MARCHF3: variants seen among roughly 807,000 people sequenced by gnomAD.
MARCHF3 encodes the protein membrane associated ring-CH-type finger 3.
A neutral mutation model predicts 24.2 loss-of-function variants in MARCHF3; 13 were observed. That is an observed-to-expected ratio of 0.54 (90% CI 0.35 to 0.85). MARCHF3 has a LOEUF of 0.85. MARCHF3 is among the 40% of genes least tolerant of loss of function. The pLI is 0.01. For synonymous variants in MARCHF3, 144 were observed against 137.3 expected (o/e 1.05, Z -0.34); for missense variants, 276 against 325.0 (o/e 0.85, Z 1.16).
chr5:126,870,196 T>C lies in MARCHF3; in HGVS notation c.*437A>G, dbSNP rs1580581345. On this transcript the variant is annotated 3_prime_UTR_variant, in exon 5 of 5. Coordinates refer to ENST00000308660, the MANE Select transcript of MARCHF3 (RefSeq NM_178450.5). Reference sequence around the variant, plus strand: ...AAACTGAGAAACAAACTAACTCAAATAAGACCCAACCAAACCAAGAAACCA... The same window carrying C: ...AAACTGAGAAACAAACTAACTCAAACAAGACCCAACCAAACCAAGAAACCA... The C allele has an allele frequency of 6.5e-6, 1 of 152,908 alleles. No homozygotes were observed. Among genetic ancestry groups the C allele is most frequent in the Admixed American group, 6.5e-5 (1 of 15,334 alleles). The allele number at this position is 152,908 out of a possible 1,614,324, so 9.5% of individuals were successfully genotyped here. A position where few individuals can be genotyped will look rare whatever the true frequency, so the allele number is the denominator to read the frequency against.
chr5:126,889,935 A>G (rs1241146748), intron 3 of MARCHF3, among the ~76,000 whole-genome samples: 1 of 152,228 alleles, frequency 6.6e-6, no homozygotes, highest in Non-Finnish European at 1.5e-5. Context: ...TAAGCTGTTC[A>G]TGATTTTCAA....
intron 1 of MARCHF3, among the ~76,000 whole-genome samples, chr5:126,951,391 C>G (rs1750226498): frequency 2.0e-5 from 3 of 152,144 alleles, no homozygotes; most frequent in African/African-American, 7.2e-5. Flanking sequence ...TATCTCCATC[C>G]CAGACTTCTC....
At chr5:127,009,352 A>G (rs1265636822) in intron 1 of MARCHF3, among the ~76,000 whole-genome samples, 1 of 152,228 alleles carries the variant, frequency 6.6e-6, no homozygotes, top group Non-Finnish European at 1.5e-5. Flanking sequence ...AACAAGAAAA[A>G]ATATCCAATC....
chr5:126,884,880 G>A (rs749672215), intron 3 of MARCHF3, among the ~76,000 whole-genome samples: 7 of 152,082 alleles, frequency 4.6e-5, no homozygotes, highest in Non-Finnish European at 8.8e-5. Flanking sequence ...AATCAAATTG[G>A]GTTGCTTCTT....
intron 1 of MARCHF3, among the ~76,000 whole-genome samples, chr5:127,000,198 TCAACCTCCCTCTCCCTGTAG>T (rs1752082243): frequency 6.6e-6 from 1 of 152,042 alleles, no homozygotes; most frequent in Non-Finnish European, 1.5e-5. Flanking sequence ...TCCCTGCTAA[TCAACCTCCCTCTCCCTGTAG>T]CCTCAATAAA....
chr5:126,961,345 C>T (rs73786239), intron 1 of MARCHF3, among the ~76,000 whole-genome samples: 14,242 of 152,048 alleles, frequency 0.094, 1,491 homozygotes, highest in African/African-American at 0.26. Flanking sequence ...AATAAAATTT[C>T]AGAGAATCGT....
intron 3 of MARCHF3, among the ~76,000 whole-genome samples, chr5:126,906,638 G>T (rs1754308584): frequency 6.6e-6 from 1 of 152,140 alleles, no homozygotes; most frequent in Non-Finnish European, 1.5e-5. Flanking sequence ...ATGGTAGTTT[G>T]TATTTCTGTG....
intron 1 of MARCHF3, among the ~76,000 whole-genome samples, chr5:126,939,435 A>G (rs1749754054): frequency 6.6e-6 from 1 of 152,138 alleles, no homozygotes; most frequent in Non-Finnish European, 1.5e-5. Flanking sequence ...CTTATCCCTT[A>G]CACCTTCTTA....
At chr5:126,977,004 C>T (rs1227919706) in intron 1 of MARCHF3, among the ~76,000 whole-genome samples, 2 of 152,218 alleles carry the variant, frequency 1.3e-5, no homozygotes, top group Non-Finnish European at 2.9e-5. Flanking sequence ...CTCTTAATGC[C>T]CTGCTATCAG....
At chr5:126,991,912 C>T (rs1029723975) in intron 1 of MARCHF3, among the ~76,000 whole-genome samples, 1 of 152,128 alleles carries the variant, frequency 6.6e-6, no homozygotes, top group Non-Finnish European at 1.5e-5. Context: ...GACTTTCTGC[C>T]TTTCCTAATT....
rs796953271 is a variant in MARCHF3, at chr5:126,868,058, C to T, written c.*2575G>A. 2.0e-5 allele frequency: 3 copies of T among 152,314 alleles called. No individual in the cohort carries two copies. The highest frequency in any genetic ancestry group is 6.5e-5 in the Admixed American group (1 of 15,302). 9.4% of individuals were successfully genotyped at this position (152,314 alleles called of 1,614,324 possible). A position where few individuals can be genotyped will look rare whatever the true frequency, so the allele number is the denominator to read the frequency against. On this transcript the variant is annotated 3_prime_UTR_variant, in exon 5 of 5. Transcript: ENST00000308660. ...GGGTCCTTTAGGTAAAGGACCCCCA[C>T]TCCTCATCTCTTCCTCTTCATTCTT...
chr5:127,029,155 G>C (rs961553763), intron 1 of MARCHF3, among the ~76,000 whole-genome samples: 1 of 152,160 alleles, frequency 6.6e-6, no homozygotes, highest in Admixed American at 6.5e-5. Context: ...TGACCCAAGG[G>C]AAGTTCAAGG....
chr5:126,918,564 A>C (rs1342319260), intron 1 of MARCHF3, among the ~76,000 whole-genome samples: 1 of 152,210 alleles, frequency 6.6e-6, no homozygotes, highest in Non-Finnish European at 1.5e-5. Context: ...CTAGAGAAGC[A>C]ATAAGTTTTT....
intron 3 of MARCHF3, among the ~76,000 whole-genome samples, chr5:126,896,284 TG>T: frequency 6.6e-6 from 1 of 152,252 alleles, no homozygotes; most frequent in East Asian, 1.9e-4. Context: ...TCACTCAGGC[TG>T]GGAGCTGTAG....
intron 3 of MARCHF3, among the ~76,000 whole-genome samples, chr5:126,878,834 T>A (rs1753257699): frequency 6.6e-6 from 1 of 152,170 alleles, no homozygotes. Flanking sequence ...GACAGGCCTG[T>A]TTTTAGGACT....
At chr5:126,986,285 A>G (rs1199248706) in intron 1 of MARCHF3, among the ~76,000 whole-genome samples, 1 of 152,208 alleles carries the variant, frequency 6.6e-6, no homozygotes, top group African/African-American at 2.4e-5. Context: ...AGTAGCATCA[A>G]AAGTGGGCAG....
chr5:126,951,404 C>A (rs140758429), intron 1 of MARCHF3, among the ~76,000 whole-genome samples: 1 of 152,322 alleles, frequency 6.6e-6, no homozygotes, highest in Non-Finnish European at 1.5e-5. Flanking sequence ...GACTTCTCTG[C>A]TCAATACTTG....
At chr5:126,991,116 CT>C (rs1328985935) in intron 1 of MARCHF3, among the ~76,000 whole-genome samples, 1 of 152,170 alleles carries the variant, frequency 6.6e-6, no homozygotes, top group Non-Finnish European at 1.5e-5. Flanking sequence ...TATTGCGGCA[CT>C]ATTCACAATA....
chr5:126,903,476 A>G (rs1245252660), intron 3 of MARCHF3, among the ~76,000 whole-genome samples: 1 of 152,088 alleles, frequency 6.6e-6, no homozygotes. Flanking sequence ...GGTGGTCCTC[A>G]TGCCTATAAA....
Sources: gnomAD v4.1 joint callset for allele counts (sites outside exome capture counted in the v4.1 genomes callset) on GRCh38, gnomAD v4.1.1 for gene constraint, MANE v1.5 for transcripts, NCBI Gene and HGNC (gene_info 2026-07-23, HGNC 2026-07-21) for gene names.